CCDC40: variants seen among roughly 807,000 people sequenced by gnomAD.
The protein encoded by CCDC40 is coiled-coil domain 40 molecular ruler complex subunit.
CCDC40 carries 104 observed loss-of-function variants against 124.5 expected under a neutral mutation model. The ratio of observed to expected loss-of-function variants is 0.84; its 90% CI spans 0.71 to 0.98. The LOEUF (loss-of-function observed/expected upper bound fraction) is 0.98, where lower values mean the gene tolerates loss of function less well. CCDC40 is among the 50% of genes least tolerant of loss of function. The pLI is 0.00. For synonymous variants in CCDC40, 580 were observed against 602.9 expected (o/e 0.96, Z 0.56); for missense variants, 1,463 against 1,503.9 (o/e 0.97, Z 0.45).
chr17:80,095,526 T>C, intron 18 of CCDC40, 75 bp downstream of exon 18: 2 of 1,436,686 alleles, frequency 1.4e-6, no homozygotes, highest in Non-Finnish European at 1.9e-6. Context: ...GGAAGGCGTC[T>C]TGCTGGGTCC....
intron 3 of CCDC40, among the ~76,000 whole-genome samples, chr17:80,041,039 T>C (rs1038409439): frequency 6.6e-6 from 1 of 152,240 alleles, no homozygotes. Flanking sequence ...GCTGCGTTCT[T>C]ATATTTTTTC....
rs1039462246 is a variant in CCDC40 at position 80,086,576 on chromosome 17, G to A, written c.2449+360G>A. The stretch of plus-strand genomic sequence containing the variant: ...GGGTCCTGCCAGGCAGGCTCCTGGT[G>A]CTGTCCCCACATCACCTCCAGTTGG... On this transcript the variant is annotated intron_variant, in intron 14 of 19. Coordinates refer to ENST00000397545, the MANE Select transcript of CCDC40 (RefSeq NM_017950.4). This position sits in a 1 kb window ranked among gnomAD's most constrained non-coding sequence, Gnocchi z 5.5. 20 of 330,866 alleles carry A rather than the reference G, an allele frequency of 6.0e-5. No homozygotes were observed. Among genetic ancestry groups the A allele is most frequent in the African/African-American group, 3.9e-4 (18 of 46,302 alleles). 20.5% of individuals were successfully genotyped at this position (330,866 alleles called of 1,614,324 possible).
chr17:80,045,572 C>T (rs1207713440), intron 3 of CCDC40, among the ~76,000 whole-genome samples: 3 of 152,014 alleles, frequency 2.0e-5, no homozygotes, highest in Non-Finnish European at 4.4e-5. Flanking sequence ...GGTGTGGTGG[C>T]AGGTGCCTGT....
At chr17:80,051,404 C>T (rs1426341735) in intron 7 of CCDC40, 3 of 330,440 alleles carry the variant, frequency 9.1e-6, no homozygotes, top group Non-Finnish European at 8.7e-6. Context: ...CCGAGGCGGG[C>T]GGATCACGAG....
intron 10 of CCDC40, among the ~76,000 whole-genome samples, chr17:80,072,951 T>C (rs931148350): frequency 6.6e-6 from 1 of 152,084 alleles, no homozygotes; most frequent in Admixed American, 6.6e-5. Context: ...CTCGTTTCAG[T>C]GTGCCTCGCT....
chr17:80,075,573 G>A (rs1376398764), intron 10 of CCDC40, among the ~76,000 whole-genome samples: 5 of 152,118 alleles, frequency 3.3e-5, no homozygotes, highest in African/African-American at 9.7e-5. Context: ...CGCCCGCCCC[G>A]GGTTAGTGGA....
At chr17:80,075,930 C>T (rs963248769) in intron 10 of CCDC40, among the ~76,000 whole-genome samples, 1 of 152,136 alleles carries the variant, frequency 6.6e-6, no homozygotes, top group Non-Finnish European at 1.5e-5. Flanking sequence ...GAAACAAGAA[C>T]TAGAATGAGA....
chr17:80,046,901 A>G (rs1407098410), intron 3 of CCDC40, among the ~76,000 whole-genome samples: 1 of 152,170 alleles, frequency 6.6e-6, no homozygotes, highest in African/African-American at 2.4e-5. Flanking sequence ...GCTGGAGTGC[A>G]GTGCTGTGAT....
intron 12 of CCDC40, among the ~76,000 whole-genome samples, chr17:80,082,883 C>T (rs1766865828): frequency 1.3e-5 from 2 of 152,256 alleles, no homozygotes; most frequent in Non-Finnish European, 2.9e-5. Flanking sequence ...TCTATTACGA[C>T]AATTTTCCAA....
chr17:80,054,974 C>CAA (rs11323639), intron 7 of CCDC40, among the ~76,000 whole-genome samples: 1 of 135,134 alleles, frequency 7.4e-6, no homozygotes, highest in South Asian at 2.4e-4. Flanking sequence ...GACACTGTCT[C>CAA]AAAAAAAAAA....
rs374612962 is a variant in CCDC40 at position 80,048,770 on chromosome 17, G to A, written c.855+9G>A. 1 of 1,600,298 alleles carries A rather than the reference G, an allele frequency of 6.2e-7. No individual in the cohort carries two copies. The highest frequency in any genetic ancestry group is 8.5e-7 in the Non-Finnish European group (1 of 1,173,324). ...TTTTGGACCCAGACCACGTAAGGAA[G>A]CCTTCCCAGGTTTTGCTTTTGCCTA... On this transcript the variant is annotated intron_variant, in intron 5 of 19. Coordinates refer to ENST00000397545, the MANE Select transcript of CCDC40 (RefSeq NM_017950.4).
At chr17:80,051,210 C>A in intron 7 of CCDC40, 1 of 435,642 alleles carries the variant, frequency 2.3e-6, no homozygotes, top group Non-Finnish European at 3.1e-6. Flanking sequence ...AAATGACCTA[C>A]ACAAACCTGG....
At chr17:80,090,856 A>G (rs955316407) in intron 17 of CCDC40, 50 of 1,080,496 alleles carry the variant, frequency 4.6e-5, no homozygotes, top group Non-Finnish European at 5.3e-5. Context: ...TTTTCAGATC[A>G]AGTGCATATG....
intron 12 of CCDC40, among the ~76,000 whole-genome samples, chr17:80,082,679 G>C (rs2038483939): frequency 6.6e-6 from 1 of 152,110 alleles, no homozygotes; most frequent in Admixed American, 6.5e-5. Context: ...AAAGGAGCTG[G>C]CCAGGCAGAG....
Position 80,066,034 on chromosome 17 carries a change from C to T in CCDC40, c.1562+428C>T, listed in dbSNP as rs2038037303. ...CCAAAGGAAGGGGAGGAAGAGGCCT[C>T]CTCTGGGCATCCCCTCACTTCTGGG... On this transcript the variant is annotated intron_variant, in intron 10 of 19. Transcript: ENST00000397545. The surrounding 1 kb of genome is among the most constrained non-coding windows in gnomAD (Gnocchi z 4.4). 13 of 697,154 alleles carry T rather than the reference C, an allele frequency of 1.9e-5. No individual in the cohort carries two copies. Among genetic ancestry groups the T allele is most frequent in the Non-Finnish European group, 2.6e-6 (1 of 381,806 alleles). The allele number at this position is 697,154 out of a possible 1,614,324, so 43.2% of individuals were successfully genotyped here.
intron 10 of CCDC40, among the ~76,000 whole-genome samples, chr17:80,075,568 G>A (rs964676421): frequency 2.0e-5 from 3 of 152,138 alleles, no homozygotes; most frequent in Admixed American, 6.5e-5. Context: ...TCTGCCGCCC[G>A]CCCCGGGTTA....
chr17:80,084,767 G>A lies in CCDC40; in HGVS notation c.2014G>A (p.Gly672Ser), dbSNP rs769532664. 8.1e-6 allele frequency: 13 copies of A among 1,613,928 alleles called. No individual in the cohort carries two copies. Among genetic ancestry groups the A allele is most frequent in the Middle Eastern group, 1.6e-4 (1 of 6,084 alleles). Residue 672 changes from glycine (G) to serine (S), a missense_variant, in exon 13 of 20, where the codon GGT becomes AGT. Physicochemically the swap from Gly to Ser is moderately conservative, Grantham distance 56. Transcript: ENST00000397545. ...GATGACACATCTTTCCAAAATCAACGGTGACATTGCCCAGACCACCCTGGA... is the reference window on the plus strand; with the variant it reads ...GATGACACATCTTTCCAAAATCAACAGTGACATTGCCCAGACCACCCTGGA... ...NMMTHLSKIN[G>S]DIAQTTLDIT... is the part of the protein sequence containing the mutation.
chr17:80,043,252 A>G (rs2037327065), intron 3 of CCDC40, among the ~76,000 whole-genome samples: 2 of 152,176 alleles, frequency 1.3e-5, no homozygotes, highest in Admixed American at 6.5e-5. Flanking sequence ...GCTTTCTGCC[A>G]TAGACTGCCC....
At chr17:80,088,257 G>C in intron 16 of CCDC40, 155 bp downstream of exon 16, 1 of 704,062 alleles carries the variant, frequency 1.4e-6, no homozygotes, top group African/African-American at 1.8e-5. Context: ...TTTTTGTTTT[G>C]TTTTGTTTTG....
Sources: gnomAD v4.1 joint callset for allele counts (sites outside exome capture counted in the v4.1 genomes callset) on GRCh38, gnomAD v4.1.1 for gene constraint, Gnocchi (gnomAD v3.1) non-coding constraint, MANE v1.5 for transcripts, NCBI Gene and HGNC (gene_info 2026-07-23, HGNC 2026-07-21) for gene names.